AFDN: variants seen among roughly 807,000 people sequenced by gnomAD.
AFDN encodes the protein afadin, adherens junction formation factor, also known as afadin.
AFDN carries 68 observed loss-of-function variants against 216.6 expected under a neutral mutation model. The ratio of observed to expected loss-of-function variants is 0.31; its 90% CI spans 0.26 to 0.38. AFDN has a LOEUF of 0.38. Among genes scored for constraint, AFDN ranks in the 10% least tolerant of loss-of-function variants. The pLI, the probability that AFDN is intolerant of heterozygous loss-of-function variation, is 1.00. For synonymous variants in AFDN, 868 were observed against 853.7 expected (o/e 1.02, Z -0.29); for missense variants, 2,136 against 2,342.0 (o/e 0.91, Z 1.82).
At chr6:167,918,662 T>C in intron 20 of AFDN, 73 bp from the exon 21 acceptor site, 1 of 1,384,580 alleles carries the variant, frequency 7.2e-7, no homozygotes, top group Non-Finnish European at 1.0e-6. Context: ...GCAGACAGCC[T>C]TTGAATAGTT....
Position 167,946,722 on chromosome 6 carries a change from G to C in AFDN, c.3374G>C (p.Gly1125Ala), listed in dbSNP as rs780153316. The change falls in exon 27 of 34, where the codon GGC (glycine) becomes GCC (alanine). Residue 1125 changes from glycine to alanine, a missense_variant. Around this residue, in one of 8 missense-constraint regions of AFDN, gnomAD observed 981 missense variants for 966.0 expected, o/e 1.02. Coordinates refer to ENST00000683244, the MANE Select transcript of AFDN (RefSeq NM_001386888.1). ...PMMQRISDRR[G>A]SGKPRPKSEG... The stretch of plus-strand genomic sequence containing the variant: ...TTGATTCCAGTTTCAGATCGTCGTG[G>C]CTCAGGTAAACCCCGACCAAAGAGT... 8.7e-6 allele frequency: 14 copies of C among 1,613,912 alleles called. No homozygotes were observed. The Admixed American group carries it at 1.5e-4, about 17-fold the overall frequency.
At chr6:167,898,562 AT>A in intron 11 of AFDN, 95 bp downstream of exon 11, 2 of 1,321,842 alleles carry the variant, frequency 1.5e-6, no homozygotes, top group Non-Finnish European at 2.0e-6. Context: ...TTTTGTTTCA[AT>A]TTTTAAAAAA....
chr6:167,892,615 T>C (rs1199976591), intron 8 of AFDN, among the ~76,000 whole-genome samples: 1 of 152,184 alleles, frequency 6.6e-6, no homozygotes, highest in Non-Finnish European at 1.5e-5. Context: ...AGAGACAGGA[T>C]GAGGATTCAT....
chr6:167,848,579 T>G (rs997353004), intron 1 of AFDN, among the ~76,000 whole-genome samples: 2 of 152,216 alleles, frequency 1.3e-5, no homozygotes, highest in Admixed American at 6.5e-5. Flanking sequence ...TGTACTGATG[T>G]AAAATTTTTA....
chr6:167,895,036 A>G (rs897112434), intron 9 of AFDN, among the ~76,000 whole-genome samples: 5 of 152,064 alleles, frequency 3.3e-5, no homozygotes, highest in Admixed American at 6.6e-5. Context: ...TTATTTTTAT[A>G]TAAGTATTCA....
At chr6:167,913,511 C>A in intron 16 of AFDN, 88 bp downstream of exon 16, 2 of 1,231,458 alleles carry the variant, frequency 1.6e-6, no homozygotes, top group Non-Finnish European at 2.3e-6. Flanking sequence ...AATACAACAG[C>A]TGGACTGAAC....
intron 1 of AFDN, among the ~76,000 whole-genome samples, chr6:167,837,578 G>A (rs1780587907): frequency 6.6e-6 from 1 of 152,108 alleles, no homozygotes; most frequent in Admixed American, 6.5e-5. Flanking sequence ...CACATGTAGT[G>A]AACACATGTG....
intron 22 of AFDN, among the ~76,000 whole-genome samples, chr6:167,924,213 T>C (rs990628693): frequency 2.0e-5 from 3 of 152,228 alleles, no homozygotes; most frequent in Admixed American, 6.5e-5. Context: ...TTACCACCTC[T>C]TGGCAAGGTA....
chr6:167,963,279 G>A (rs9346634), intron 31 of AFDN: 466,567 of 1,061,988 alleles, frequency 0.44, 103,312 homozygotes, highest in East Asian at 0.81. Flanking sequence ...GGCTGTAGCC[G>A]TTGAGCTCCC....
chr6:167,905,366 G>T (rs1373646956), intron 12 of AFDN, among the ~76,000 whole-genome samples: 1 of 152,134 alleles, frequency 6.6e-6, no homozygotes, highest in Admixed American at 6.6e-5. Context: ...ATGAATAATT[G>T]AATGAGCCGA....
At chr6:167,898,021 G>C (rs1022176137) in intron 10 of AFDN, among the ~76,000 whole-genome samples, 184 bp from the exon 11 acceptor site, 5 of 152,090 alleles carry the variant, frequency 3.3e-5, no homozygotes, top group African/African-American at 1.2e-4. Context: ...TGATTGGTTT[G>C]ACTTTTTTTT....
rs911629482 is a variant in AFDN at position 167,964,811 on chromosome 6, A to G, written c.4969-946A>G. The G allele has an allele frequency of 2.4e-4, 254 of 1,066,176 alleles. 1 individual carries two copies. Among genetic ancestry groups the G allele is most frequent in the Non-Finnish European group, 2.8e-4 (242 of 879,708 alleles). The allele number at this position is 1,066,176 out of a possible 1,614,324, so 66.0% of individuals were successfully genotyped here. On this transcript the variant is annotated intron_variant, in intron 31 of 33. Transcript: ENST00000683244. ...TGTACTTCATTTCACAGCATTAAAC[A>G]TTTACTCGAGGCAGTTTATTCTGTT...
At chr6:167,957,168 G>A (rs1168049139) in intron 30 of AFDN, among the ~76,000 whole-genome samples, 1 of 149,854 alleles carries the variant, frequency 6.7e-6, no homozygotes, top group Non-Finnish European at 1.5e-5. Context: ...CTTTCTGGGG[G>A]GGCCCACCTG....
chr6:167,871,902 C>T lies in AFDN; in HGVS notation c.415-312C>T, dbSNP rs147103484. Among the ~76,000 whole-genome samples the T allele has an allele frequency of 8.6e-3, 1,302 of 152,264 alleles. 21 individuals carry two copies. Among genetic ancestry groups the T allele is most frequent in the African/African-American group, 0.028 (1,174 of 41,542 alleles). The stretch of plus-strand genomic sequence containing the variant: ...CTGAAAATCAGATTTCATCATTTCT[C>T]CCCCAGTTTTCTAACTGGCTTTGAT... On this transcript the variant is annotated intron_variant, in intron 3 of 33. Coordinates refer to ENST00000683244, the MANE Select transcript of AFDN (RefSeq NM_001386888.1).
chr6:167,958,499 G>C (rs1222325621), intron 30 of AFDN, among the ~76,000 whole-genome samples: 1 of 152,204 alleles, frequency 6.6e-6, no homozygotes, highest in Non-Finnish European at 1.5e-5. Context: ...AAATCTCTCA[G>C]TGGCTAAGCT....
chr6:167,864,775 A>T, intron 2 of AFDN, 29 bp downstream of exon 2: 2 of 1,606,376 alleles, frequency 1.2e-6, no homozygotes, highest in Admixed American at 1.7e-5. Flanking sequence ...GGTTTGCTAG[A>T]GGCATGACCT....
intron 23 of AFDN, among the ~76,000 whole-genome samples, chr6:167,937,792 T>C (rs1474205154): frequency 1.3e-5 from 2 of 152,224 alleles, no homozygotes; most frequent in Non-Finnish European, 2.9e-5. Flanking sequence ...AAACTAGTAA[T>C]TTTACAGTTT....
intron 16 of AFDN, 188 bp downstream of exon 16, chr6:167,913,611 T>C: frequency 1.7e-6 from 1 of 584,536 alleles, no homozygotes. Context: ...TAATTTCTGC[T>C]TAATGCACTT....
intron 25 of AFDN, 140 bp downstream of exon 25, chr6:167,943,615 C>T: frequency 1.6e-6 from 1 of 632,410 alleles, no homozygotes; most frequent in Non-Finnish European, 2.8e-6. Flanking sequence ...CGTGACATTT[C>T]ACTTGTTATC....
Sources: allele counts gnomAD v4.1 joint callset (sites outside exome capture counted in the v4.1 genomes callset), GRCh38; gene constraint gnomAD v4.1.1; regional missense constraint gnomAD v4.1.1; transcripts MANE v1.5; gene names NCBI Gene and HGNC (gene_info 2026-07-23, HGNC 2026-07-21).